TTLL11: variants seen among roughly 807,000 people sequenced by gnomAD.
TTLL11 encodes tubulin polyglutamylase TTLL11.
TTLL11 carries 42 observed loss-of-function variants against 51.7 expected under a neutral mutation model. That is an observed-to-expected ratio of 0.81 (90% CI 0.64 to 1.05). The LOEUF is 1.05. Ranked by LOEUF, TTLL11 falls within the 50% of genes least tolerant of loss-of-function variation. TTLL11 has a pLI of 0.00. For missense variants in TTLL11, 799 were observed against 940.4 expected (o/e 0.85, Z 1.97); for synonymous variants, 381 against 383.5 (o/e 0.99, Z 0.08).
At chr9:121,904,200 CG>C (rs1461362995) in intron 6 of TTLL11, among the ~76,000 whole-genome samples, 1 of 146,512 alleles carries the variant, frequency 6.8e-6, no homozygotes, top group African/African-American at 2.6e-5. Context: ...TTTTTTGAGA[CG>C]GAGTCTCGCT....
chr9:121,926,299 G>A (rs1345148923), intron 6 of TTLL11, among the ~76,000 whole-genome samples: 2 of 152,198 alleles, frequency 1.3e-5, no homozygotes, highest in East Asian at 1.9e-4. Context: ...GGATTGCCAC[G>A]CGCTCTAAAA....
At chr9:121,878,240 A>G (rs1023918461) in intron 6 of TTLL11, among the ~76,000 whole-genome samples, 1 of 152,170 alleles carries the variant, frequency 6.6e-6, no homozygotes, top group Non-Finnish European at 1.5e-5. Flanking sequence ...CACATTGTTT[A>G]GGACTCAAAA....
chr9:121,862,256 A>G (rs564820196), intron 7 of TTLL11, among the ~76,000 whole-genome samples: 1 of 152,142 alleles, frequency 6.6e-6, no homozygotes, highest in Admixed American at 6.5e-5. Flanking sequence ...CATCAGACAG[A>G]TTAGGATTTA....
At chr9:121,862,787 G>A (rs1185487728) in intron 7 of TTLL11, among the ~76,000 whole-genome samples, 1 of 152,222 alleles carries the variant, frequency 6.6e-6, no homozygotes, top group Non-Finnish European at 1.5e-5. Context: ...CTTTTCAAAC[G>A]AATCCACATC....
intron 8 of TTLL11, among the ~76,000 whole-genome samples, chr9:121,855,540 G>T (rs1837786896): frequency 6.6e-6 from 1 of 152,090 alleles, no homozygotes; most frequent in Non-Finnish European, 1.5e-5. Flanking sequence ...GTCTTATAAC[G>T]GCAGAAGGAA....
intron 2 of TTLL11, among the ~76,000 whole-genome samples, chr9:122,032,391 A>G (rs1171503185): frequency 6.6e-6 from 1 of 152,204 alleles, no homozygotes; most frequent in East Asian, 1.9e-4. Flanking sequence ...GTCTCCTTGA[A>G]TGAAGGACAG....
chr9:121,844,831 G>GAAA (rs57707855), intron 8 of TTLL11, among the ~76,000 whole-genome samples: 25 of 151,146 alleles, frequency 1.7e-4, no homozygotes, highest in African/African-American at 6.1e-4. Flanking sequence ...ATGAATTAAA[G>GAAA]AAAAAAAATA....
chr9:122,017,254 T>C (rs1302402047), intron 3 of TTLL11, among the ~76,000 whole-genome samples: 1 of 152,134 alleles, frequency 6.6e-6, no homozygotes, highest in East Asian at 1.9e-4. Context: ...CAGGATTAAG[T>C]GCACTACCTC....
At chr9:122,049,089 T>C (rs1845093168) in intron 1 of TTLL11, among the ~76,000 whole-genome samples, 2 of 151,946 alleles carry the variant, frequency 1.3e-5, no homozygotes, top group Non-Finnish European at 2.9e-5. Flanking sequence ...AGCCCCTAGT[T>C]GTTCTCAGAT....
chr9:121,960,590 G>A (rs531253136), intron 6 of TTLL11, among the ~76,000 whole-genome samples: 137 of 152,206 alleles, frequency 9.0e-4, no homozygotes, highest in Non-Finnish European at 1.6e-3. Context: ...CAGAGGCTAC[G>A]GGCATCACCG....
At chr9:121,870,386 A>AC (rs1415185788) in intron 7 of TTLL11, 111 bp downstream of exon 7, 2 of 1,362,706 alleles carry the variant, frequency 1.5e-6, no homozygotes, top group Non-Finnish European at 2.0e-6. Flanking sequence ...TGGGGTACTG[A>AC]CCCAGCACCA....
chr9:121,877,244 G>A (rs1838600288), intron 6 of TTLL11, among the ~76,000 whole-genome samples: 1 of 152,190 alleles, frequency 6.6e-6, no homozygotes, highest in African/African-American at 2.4e-5. Context: ...CACCAAAGAA[G>A]TCCCTTAAAT....
At chr9:122,009,940 AC>A (rs1270508011) in intron 3 of TTLL11, among the ~76,000 whole-genome samples, 1 of 152,152 alleles carries the variant, frequency 6.6e-6, no homozygotes, top group Middle Eastern at 3.4e-3. Flanking sequence ...TTTCCCATAA[AC>A]TAAATTTAAT....
At chr9:122,008,921 C>G (rs546148073) in intron 3 of TTLL11, among the ~76,000 whole-genome samples, 1 of 152,126 alleles carries the variant, frequency 6.6e-6, no homozygotes, top group Non-Finnish European at 1.5e-5. Context: ...GGACGTTAAG[C>G]GAAATAAGCC....
chr9:121,951,787 C>T (rs371682902), intron 6 of TTLL11, among the ~76,000 whole-genome samples: 56 of 152,290 alleles, frequency 3.7e-4, no homozygotes, highest in Non-Finnish European at 6.3e-4. Context: ...AATAAAAGAA[C>T]GGCTACTCCA....
rs1377170936 is a variant in TTLL11 at position 121,822,775 on chromosome 9, C to T, written c.1945G>A (p.Glu649Lys). Residue 649 changes from glutamate to lysine, a missense_variant, in exon 9 of 9, where the codon GAG becomes AAG. Glu to Lys is a moderately conservative substitution (Grantham distance 56). Transcript: ENST00000321582. The surrounding 1 kb of genome is among the most constrained non-coding windows in gnomAD (Gnocchi z 5.8). ...EQVASLIDLCEYHLSLLDEKR... is the reference protein window; with the variant it reads ...EQVASLIDLCKYHLSLLDEKR... ...TCATCCAGCAGGGACAGGTGGTACT[C>T]GCAAAGGTCAATCAGTGAGGCCACC... is the stretch of plus-strand genomic sequence containing the variant. The T allele has an allele frequency of 8.4e-6, 13 of 1,551,592 alleles. No individual in the cohort carries two copies. The highest frequency in any genetic ancestry group is 1.0e-5 in the Non-Finnish European group (12 of 1,147,004).
chr9:121,863,210 G>GT (rs1838072411), intron 7 of TTLL11, among the ~76,000 whole-genome samples: 1 of 152,170 alleles, frequency 6.6e-6, no homozygotes, highest in Non-Finnish European at 1.5e-5. Context: ...GGACGCGGAG[G>GT]TTTTCACGTC....
intron 6 of TTLL11, among the ~76,000 whole-genome samples, chr9:121,881,978 A>G (rs749031649): frequency 2.0e-5 from 3 of 152,158 alleles, no homozygotes; most frequent in Non-Finnish European, 4.4e-5. Context: ...TATCCTGCTC[A>G]TGCCTTGATG....
chr9:122,037,915 C>G (rs564120805), intron 2 of TTLL11, among the ~76,000 whole-genome samples: 1 of 152,226 alleles, frequency 6.6e-6, no homozygotes, highest in East Asian at 1.9e-4. Context: ...AACTACCACC[C>G]CCTGTATAAC....
Sources: gnomAD v4.1 joint callset for allele counts (sites outside exome capture counted in the v4.1 genomes callset) on GRCh38, gnomAD v4.1.1 for gene constraint, Gnocchi (gnomAD v3.1) non-coding constraint, MANE v1.5 for transcripts, NCBI Gene and HGNC (gene_info 2026-07-23, HGNC 2026-07-21) for gene names.